Variants in BRINP1 observed in about 807,000 individuals in gnomAD.
The protein encoded by BRINP1 is BMP/retinoic acid-inducible neural-specific protein 1.
In BRINP1, 17 loss-of-function variants were observed where a neutral mutation model predicts 72.9. The observed-to-expected ratio is 0.23, with a 90% CI of 0.16 to 0.35. BRINP1 has a LOEUF of 0.35. Among genes scored for constraint, BRINP1 ranks in the 10% least tolerant of loss-of-function variants. The pLI is 1.00. For missense variants in BRINP1, 850 were observed against 1,001.6 expected (o/e 0.85, Z 2.04); for synonymous variants, 418 against 378.5 (o/e 1.10, Z -1.21).
At chr9:119,193,927 C>T (rs1829707114) in intron 7 of BRINP1, among the ~76,000 whole-genome samples, 1 of 152,144 alleles carries the variant, frequency 6.6e-6, no homozygotes, top group East Asian at 1.9e-4. Flanking sequence ...TGGCAGCTTT[C>T]ACCTCCTATC....
intron 1 of BRINP1, among the ~76,000 whole-genome samples, chr9:119,328,879 C>CAA (rs1482945422): frequency 2.2e-4 from 33 of 151,980 alleles, no homozygotes; most frequent in Non-Finnish European, 5.9e-5. Flanking sequence ...AAAACAAAAA[C>CAA]AAACAAACAA....
intron 5 of BRINP1, among the ~76,000 whole-genome samples, chr9:119,223,804 A>T (rs1386155063): frequency 6.6e-6 from 1 of 152,058 alleles, no homozygotes; most frequent in African/African-American, 2.4e-5. Context: ...TTTAAATTTC[A>T]TCTCAGTAGT....
rs137940631 is a variant in BRINP1, at chr9:119,261,907, T to C, written c.219-12757A>G. Among the ~76,000 whole-genome samples, 9 of 151,278 alleles carry C rather than the reference T, an allele frequency of 5.9e-5. No individual in the cohort carries two copies. In the South Asian group the frequency reaches 6.3e-4, roughly 11 times the overall value. On this transcript the variant is annotated intron_variant, in intron 2 of 7. Coordinates refer to ENST00000265922, the MANE Select transcript of BRINP1 (RefSeq NM_014618.3). The stretch of plus-strand genomic sequence containing the variant: ...TCTTCTCTTCCTCTCTCTCTCTCTC[T>C]CCCTCCCTCCTGCATGTATTTACTG...
intron 2 of BRINP1, among the ~76,000 whole-genome samples, chr9:119,284,534 A>G (rs771078900): frequency 2.2e-4 from 33 of 152,216 alleles, no homozygotes; most frequent in Non-Finnish European, 3.8e-4. Flanking sequence ...CCCAATTCAA[A>G]TACAAGGAAT....
At chr9:119,181,982 G>A (rs922015937) in intron 7 of BRINP1, among the ~76,000 whole-genome samples, 2 of 152,184 alleles carry the variant, frequency 1.3e-5, no homozygotes, top group Admixed American at 6.5e-5. Context: ...GGTACACACT[G>A]TCTCTCATGC....
At chr9:119,307,869 T>C (rs1831015127) in intron 2 of BRINP1, among the ~76,000 whole-genome samples, 1 of 152,150 alleles carries the variant, frequency 6.6e-6, no homozygotes, top group South Asian at 2.1e-4. Flanking sequence ...CATGTGCAGG[T>C]CTATATCATT....
intron 7 of BRINP1, among the ~76,000 whole-genome samples, chr9:119,182,728 C>T (rs1829571385): frequency 6.6e-6 from 1 of 152,212 alleles, no homozygotes; most frequent in Admixed American, 6.5e-5. Flanking sequence ...AAAATAAATT[C>T]ATGCTACTTA....
intron 5 of BRINP1, among the ~76,000 whole-genome samples, chr9:119,226,513 T>A (rs1385364826): frequency 6.6e-6 from 1 of 152,006 alleles, no homozygotes; most frequent in Non-Finnish European, 1.5e-5. Flanking sequence ...TTATACCCCA[T>A]CAGTTTGTGC....
chr9:119,334,831 G>C (rs1053579847), intron 1 of BRINP1, among the ~76,000 whole-genome samples: 2 of 152,094 alleles, frequency 1.3e-5, no homozygotes, highest in African/African-American at 4.8e-5. Flanking sequence ...ATCTTGGCTC[G>C]CCTTGGATGA....
chr9:119,327,270 G>A (rs565732570), intron 1 of BRINP1, among the ~76,000 whole-genome samples: 106 of 152,258 alleles, frequency 7.0e-4, no homozygotes, highest in African/African-American at 2.4e-3. Context: ...AGCCCAGCAC[G>A]CATTAGCTAT....
At chr9:119,176,565 T>TAAGTC (rs913330030) in intron 7 of BRINP1, among the ~76,000 whole-genome samples, 3 of 152,166 alleles carry the variant, frequency 2.0e-5, no homozygotes, top group South Asian at 4.1e-4. Flanking sequence ...CATCTCTTTT[T>TAAGTC]AAGTCTCAGT....
intron 7 of BRINP1, among the ~76,000 whole-genome samples, chr9:119,175,112 T>TATAAAAAAAAAAAA (rs1564209481): frequency 2.6e-5 from 1 of 38,536 alleles, no homozygotes; most frequent in Non-Finnish European, 4.2e-5. Flanking sequence ...AAACTTAAAG[T>TATAAAAAAAAAAAA]AAAGTATAAA....
intron 7 of BRINP1, among the ~76,000 whole-genome samples, chr9:119,176,371 C>T (rs1352752011): frequency 6.6e-6 from 1 of 152,204 alleles, no homozygotes; most frequent in Non-Finnish European, 1.5e-5. Flanking sequence ...TTGCATTGTA[C>T]TCTCTGTGGT....
intron 2 of BRINP1, among the ~76,000 whole-genome samples, chr9:119,276,498 C>A (rs1032074230): frequency 3.9e-5 from 6 of 152,140 alleles, no homozygotes; most frequent in African/African-American, 1.4e-4. Context: ...AACATCAATA[C>A]AATTAGTTGT....
intron 6 of BRINP1, among the ~76,000 whole-genome samples, chr9:119,213,396 C>T (rs918862929): frequency 6.6e-6 from 1 of 152,194 alleles, no homozygotes; most frequent in East Asian, 1.9e-4. Context: ...CTATGAAAGG[C>T]AGAAAATAAC....
chr9:119,271,679 AG>A (rs1447897483), intron 2 of BRINP1, among the ~76,000 whole-genome samples: 1 of 152,188 alleles, frequency 6.6e-6, no homozygotes, highest in Non-Finnish European at 1.5e-5. Flanking sequence ...AAGGAGAGCT[AG>A]GAAAAAAGAG....
intron 2 of BRINP1, among the ~76,000 whole-genome samples, chr9:119,265,024 T>C (rs1354146512): frequency 1.3e-5 from 2 of 152,224 alleles, no homozygotes; most frequent in African/African-American, 4.8e-5. Flanking sequence ...CTCCTGTTTT[T>C]CTTTTGTTGT....
intron 1 of BRINP1, among the ~76,000 whole-genome samples, chr9:119,364,362 A>G (rs1442167844): frequency 1.3e-5 from 2 of 152,190 alleles, no homozygotes; most frequent in Non-Finnish European, 2.9e-5. Context: ...TATCACTAAA[A>G]GTACTAAAAC....
At chr9:119,349,436 G>C (rs149425067) in intron 1 of BRINP1, among the ~76,000 whole-genome samples, 1 of 152,322 alleles carries the variant, frequency 6.6e-6, no homozygotes, top group Non-Finnish European at 1.5e-5. Context: ...AGCTCTTGGA[G>C]AGAAGCCGAG....
Sources: gnomAD v4.1 joint callset for allele counts (sites outside exome capture counted in the v4.1 genomes callset) on GRCh38, gnomAD v4.1.1 for gene constraint, MANE v1.5 for transcripts, NCBI Gene and HGNC (gene_info 2026-07-23, HGNC 2026-07-21) for gene names.